Variants in ZDHHC5 observed in about 807,000 individuals in gnomAD.
ZDHHC5 encodes palmitoyltransferase ZDHHC5.
A neutral mutation model predicts 70.0 loss-of-function variants in ZDHHC5; 22 were observed. The ratio of observed to expected loss-of-function variants is 0.31; its 90% CI spans 0.22 to 0.45. The LOEUF is 0.45. Among genes scored for constraint, ZDHHC5 ranks in the 20% least tolerant of loss-of-function variants. The pLI, the probability that ZDHHC5 is intolerant of heterozygous loss-of-function variation, is 1.00. For missense variants in ZDHHC5, 746 were observed against 926.9 expected, an observed-to-expected ratio of 0.80 and a Z score of 2.53; for synonymous variants, 313 against 347.8, an observed-to-expected ratio of 0.90 and a Z score of 1.11.
Position 57,700,089 on chromosome 11 carries a change from G to C in ZDHHC5, c.*58G>C. Reference sequence around the variant, plus strand: ...CGCCTACACCAAAGGGCCCCAGGTGGCCACCTTCCTTCCCTCAAGGGGCTC... The same window carrying C: ...CGCCTACACCAAAGGGCCCCAGGTGCCCACCTTCCTTCCCTCAAGGGGCTC... On this transcript the variant is annotated 3_prime_UTR_variant, in exon 12 of 12. Coordinates refer to ENST00000287169, the MANE Select transcript of ZDHHC5 (RefSeq NM_015457.3). 6 of 1,507,994 alleles carry C rather than the reference G, an allele frequency of 4.0e-6. No individual in the cohort carries two copies. Among genetic ancestry groups the C allele is most frequent in the Non-Finnish European group, 4.4e-6 (5 of 1,130,602 alleles). 93.4% of individuals were successfully genotyped at this position (1,507,994 alleles called of 1,614,324 possible). A position where few individuals can be genotyped will look rare whatever the true frequency, so the allele number is the denominator to read the frequency against.
chr11:57,681,279 C>A (rs1266564120), intron 2 of ZDHHC5, among the ~76,000 whole-genome samples: 1 of 152,124 alleles, frequency 6.6e-6, no homozygotes, highest in Non-Finnish European at 1.5e-5. Flanking sequence ...TGGTTTAATT[C>A]TCTGGAATCA....
At chr11:57,677,763 CT>C (rs1432937665) in intron 2 of ZDHHC5, among the ~76,000 whole-genome samples, 1 of 152,168 alleles carries the variant, frequency 6.6e-6, no homozygotes, top group African/African-American at 2.4e-5. Context: ...CTGGTCCCCC[CT>C]CCCCCGTAAC....
At chr11:57,682,804 A>G (rs760477328) in intron 3 of ZDHHC5, among the ~76,000 whole-genome samples, 1 of 152,166 alleles carries the variant, frequency 6.6e-6, no homozygotes, top group African/African-American at 2.4e-5. Context: ...CTTTGGGTCA[A>G]ATCTTTGAGT....
At chr11:57,674,837 C>G (rs1194156575) in intron 2 of ZDHHC5, among the ~76,000 whole-genome samples, 1 of 152,244 alleles carries the variant, frequency 6.6e-6, no homozygotes, top group Non-Finnish European at 1.5e-5. Flanking sequence ...CTCACCTCCT[C>G]TGAAGCAGAG....
chr11:57,698,118 AACACACACACACACACAC>A (rs113494839), intron 10 of ZDHHC5, among the ~76,000 whole-genome samples: 1 of 110,286 alleles, frequency 9.1e-6, no homozygotes, highest in African/African-American at 2.8e-5. Context: ...CTGGGCTTAA[AACACACACACACACACAC>A]ACACACACAC....
At chr11:57,674,400 T>C (rs1044350190) in intron 2 of ZDHHC5, among the ~76,000 whole-genome samples, 1 of 152,016 alleles carries the variant, frequency 6.6e-6, no homozygotes, top group East Asian at 1.9e-4. Context: ...TGTACCAGGC[T>C]TCTGAGCCTT....
In ZDHHC5 at chr11:57,696,167, A is replaced by G. The variant is rs932482670; in HGVS notation, c.1009+124A>G. 5.7e-6 allele frequency: 8 copies of G among 1,396,350 alleles called. 1 individual carries two copies. In the East Asian group the frequency reaches 1.8e-4, roughly 31 times the overall value. 86.5% of individuals were successfully genotyped at this position (1,396,350 alleles called of 1,614,324 possible). On this transcript the variant is annotated intron_variant, in intron 9 of 11. Transcript: ENST00000287169. ...CTCGTGTTGTGACTTTAAACACCCA[A>G]CAGTTGGTACTTGTGCTACTTTGCA...
chr11:57,671,577 A>C (rs1946006902), intron 1 of ZDHHC5, among the ~76,000 whole-genome samples: 1 of 152,248 alleles, frequency 6.6e-6, no homozygotes, highest in African/African-American at 2.4e-5. Context: ...CACACAGAGA[A>C]AGAAAATGAG....
Position 57,699,939 on chromosome 11 carries a change from G to C in ZDHHC5, c.2056G>C (p.Gly686Arg). 1 of 1,614,190 alleles carries C rather than the reference G, an allele frequency of 6.2e-7. No individual in the cohort carries two copies. The highest frequency in any genetic ancestry group is 8.5e-7 in the Non-Finnish European group (1 of 1,180,034). ...QPKSLGSASP[G>R]PGQPPLSSPT... ...CAAGAGCTTAGGCTCAGCCTCCCCT[G>C]GCCCAGGCCAGCCACCTCTCAGTAG... Residue 686 changes from glycine (G) to arginine (R), a missense_variant, in exon 12 of 12, where the codon GGC (glycine) becomes CGC (arginine). Transcript: ENST00000287169.
At chr11:57,679,737 C>T (rs1046758744) in intron 2 of ZDHHC5, among the ~76,000 whole-genome samples, 5 of 152,058 alleles carry the variant, frequency 3.3e-5, no homozygotes, top group South Asian at 2.1e-4. Context: ...AGGAATCTGG[C>T]AAAGTACCAT....
intron 2 of ZDHHC5, among the ~76,000 whole-genome samples, chr11:57,681,215 C>T (rs1447340487): frequency 6.6e-6 from 1 of 152,134 alleles, no homozygotes; most frequent in African/African-American, 2.4e-5. Context: ...CAGGGCTGTG[C>T]TTTTTGTTTT....
At chr11:57,682,933 G>T (rs552255023) in intron 3 of ZDHHC5, among the ~76,000 whole-genome samples, 1 of 152,292 alleles carries the variant, frequency 6.6e-6, no homozygotes, top group South Asian at 2.1e-4. Context: ...GACTATAATG[G>T]AGGCAAGAGC....
At chr11:57,677,039 A>G (rs1310492123) in intron 2 of ZDHHC5, among the ~76,000 whole-genome samples, 6 of 144,642 alleles carry the variant, frequency 4.1e-5, no homozygotes, top group Non-Finnish European at 8.9e-5. Context: ...CTCCTGCCTC[A>G]GCCTCCCGAG....
intron 9 of ZDHHC5, 62 bp from the exon 10 acceptor site, chr11:57,696,699 C>T: frequency 6.9e-7 from 1 of 1,455,180 alleles, no homozygotes; most frequent in Non-Finnish European, 9.6e-7. Flanking sequence ...AGAGTGAGAC[C>T]CTGTCTCTTA....
intron 2 of ZDHHC5, among the ~76,000 whole-genome samples, chr11:57,680,672 A>C (rs928226916): frequency 6.6e-6 from 1 of 152,172 alleles, no homozygotes; most frequent in African/African-American, 2.4e-5. Flanking sequence ...TGAAGTGACA[A>C]CTTAGTACTA....
chr11:57,675,737 C>T (rs1271388446), intron 2 of ZDHHC5, among the ~76,000 whole-genome samples: 1 of 152,202 alleles, frequency 6.6e-6, no homozygotes, highest in Non-Finnish European at 1.5e-5. Context: ...TTCTCATCTC[C>T]TCTTCTCCAT....
intron 3 of ZDHHC5, among the ~76,000 whole-genome samples, chr11:57,683,783 T>G (rs182069588): frequency 6.6e-6 from 1 of 152,128 alleles, no homozygotes; most frequent in East Asian, 1.9e-4. Flanking sequence ...GACATTTTTG[T>G]AACGATCAGA....
intron 2 of ZDHHC5, among the ~76,000 whole-genome samples, chr11:57,679,800 C>T (rs17152027): frequency 0.022 from 3,356 of 152,068 alleles, 112 homozygotes; most frequent in African/African-American, 0.077. Flanking sequence ...ATGGCAAGAA[C>T]GGGCTCTGCT....
At chr11:57,670,719 A>T (rs1292731014) in intron 1 of ZDHHC5, among the ~76,000 whole-genome samples, 1 of 152,124 alleles carries the variant, frequency 6.6e-6, no homozygotes, top group East Asian at 1.9e-4. Flanking sequence ...TAAAGAGAGA[A>T]ATGAATCGTA....
Sources: gnomAD v4.1 joint callset for allele counts (sites outside exome capture counted in the v4.1 genomes callset) on GRCh38, gnomAD v4.1.1 for gene constraint, MANE v1.5 for transcripts, NCBI Gene and HGNC (gene_info 2026-07-23, HGNC 2026-07-21) for gene names.